The following ANO3 variants were observed in gnomAD, a reference collection of about 807,000 sequenced individuals.
ANO3 encodes the protein anoctamin 3.
Under a neutral mutation model 144.8 loss-of-function variants are expected in ANO3, and 99 were observed. The observed-to-expected ratio is 0.68, with a 90% CI of 0.58 to 0.81. The LOEUF is 0.81. ANO3 is among the 30% of genes least tolerant of loss of function. The pLI is 0.00. For missense variants in ANO3, 905 were observed against 1,202.2 expected (o/e 0.75, Z 3.66); for synonymous variants, 414 against 392.6 (o/e 1.05, Z -0.64).
intron 17 of ANO3, among the ~76,000 whole-genome samples, chr11:26,601,251 C>G (rs1024703599): frequency 1.3e-5 from 2 of 152,070 alleles, no homozygotes; most frequent in Admixed American, 6.6e-5. Context: ...CATTTGGTTC[C>G]AAATGTGATT....
intron 4 of ANO3, among the ~76,000 whole-genome samples, chr11:26,464,088 A>G (rs1049144358): frequency 1.3e-4 from 19 of 151,896 alleles, no homozygotes; most frequent in African/African-American, 4.3e-4. Flanking sequence ...TAATTTTGCA[A>G]ATATCTTTAT....
At chr11:26,193,727 A>G (rs1245609536) in intron 1 of ANO3, among the ~76,000 whole-genome samples, 3 of 152,162 alleles carry the variant, frequency 2.0e-5, no homozygotes, top group Non-Finnish European at 2.9e-5. Flanking sequence ...TATGTCATTT[A>G]TTTTTGTACT....
chr11:26,238,698 A>ATTACACAG (rs1279214448), intron 1 of ANO3, among the ~76,000 whole-genome samples: 6 of 152,084 alleles, frequency 3.9e-5, no homozygotes, highest in Admixed American at 3.9e-4. Flanking sequence ...AGATACAGAA[A>ATTACACAG]TTACACAGTG....
At chr11:26,571,189 G>T (rs1850810464) in intron 14 of ANO3, among the ~76,000 whole-genome samples, 2 of 152,114 alleles carry the variant, frequency 1.3e-5, no homozygotes, top group African/African-American at 4.8e-5. Flanking sequence ...AAGAAAGAAA[G>T]TTTCTCCGAA....
At chr11:26,245,728 C>T (rs530339227) in intron 1 of ANO3, among the ~76,000 whole-genome samples, 29 of 152,236 alleles carry the variant, frequency 1.9e-4, no homozygotes, top group Non-Finnish European at 7.4e-5. Context: ...TGGGGAGTAT[C>T]ATAGAGTGAT....
chr11:26,608,607 G>A (rs536747572), intron 17 of ANO3, among the ~76,000 whole-genome samples: 1 of 152,226 alleles, frequency 6.6e-6, no homozygotes, highest in African/African-American at 2.4e-5. Context: ...CCCAGGCCCA[G>A]GGAGATTAGA....
chr11:26,449,698 C>A (rs1451864246), intron 3 of ANO3, among the ~76,000 whole-genome samples: 1 of 151,898 alleles, frequency 6.6e-6, no homozygotes, highest in African/African-American at 2.4e-5. Flanking sequence ...TGATAGACCT[C>A]TATATAGAGT....
Position 26,405,973 on chromosome 11 carries a change from A to T in ANO3, c.47-35945A>T, listed in dbSNP as rs368949897. ...ATTGTGTTTCCAGTGGTATTTTTACATTTTAAGCCCTAATGGCACAATCAC... is the reference window on the plus strand; with the variant it reads ...ATTGTGTTTCCAGTGGTATTTTTACTTTTTAAGCCCTAATGGCACAATCAC... On this transcript the variant is annotated intron_variant, in intron 1 of 26. Transcript: ENST00000256737. Among the ~76,000 whole-genome samples the T allele has an allele frequency of 5.3e-5, 8 of 151,876 alleles. No individual in the cohort carries two copies. In the South Asian group the frequency reaches 1.7e-3, roughly 31 times the overall value.
chr11:26,505,415 C>G (rs1208373760), intron 4 of ANO3, among the ~76,000 whole-genome samples: 1 of 152,096 alleles, frequency 6.6e-6, no homozygotes, highest in African/African-American at 2.4e-5. Context: ...GTTGGATATA[C>G]AAGCCTGTGA....
chr11:26,625,631 T>C (rs542217009), intron 18 of ANO3, among the ~76,000 whole-genome samples: 1 of 152,172 alleles, frequency 6.6e-6, no homozygotes, highest in East Asian at 1.9e-4. Flanking sequence ...CTTTTCTTAA[T>C]TTATCCCAAA....
chr11:26,365,302 C>T (rs570229783), intron 1 of ANO3, among the ~76,000 whole-genome samples: 51 of 152,300 alleles, frequency 3.3e-4, no homozygotes, highest in Admixed American at 2.9e-3. Context: ...TTGTTGAGTG[C>T]CTGCAGCTTT....
chr11:26,290,802 C>G (rs1429329203), intron 1 of ANO3, among the ~76,000 whole-genome samples: 1 of 152,150 alleles, frequency 6.6e-6, no homozygotes, highest in Non-Finnish European at 1.5e-5. Context: ...TGTTCTTTTA[C>G]ATTTGGTGAG....
chr11:26,297,409 T>C (rs950747490), intron 1 of ANO3, among the ~76,000 whole-genome samples: 1 of 152,212 alleles, frequency 6.6e-6, no homozygotes, highest in Non-Finnish European at 1.5e-5. Context: ...ACAACATTCT[T>C]GCATAAGCCA....
chr11:26,227,564 AC>A (rs1852282008), intron 1 of ANO3, among the ~76,000 whole-genome samples: 1 of 152,206 alleles, frequency 6.6e-6, no homozygotes, highest in Non-Finnish European at 1.5e-5. Context: ...ATTCATCTCT[AC>A]AGTTGATATT....
chr11:26,411,225 T>A (rs1857422765), intron 1 of ANO3, among the ~76,000 whole-genome samples: 1 of 151,956 alleles, frequency 6.6e-6, no homozygotes, highest in African/African-American at 2.4e-5. Context: ...TAAAGCTGAA[T>A]TGGTTGTGGC....
At chr11:26,254,628 CA>C (rs1398922039) in intron 1 of ANO3, among the ~76,000 whole-genome samples, 1 of 152,140 alleles carries the variant, frequency 6.6e-6, no homozygotes, top group Non-Finnish European at 1.5e-5. Context: ...TTTTAAACAA[CA>C]CTCTGTTTAC....
chr11:26,370,954 T>G (rs1333701520), intron 1 of ANO3, among the ~76,000 whole-genome samples: 1 of 152,132 alleles, frequency 6.6e-6, no homozygotes, highest in Non-Finnish European at 1.5e-5. Context: ...AAAACCCATT[T>G]TTGGGGAGAA....
At chr11:26,631,700 C>T (rs1179096211) in intron 18 of ANO3, among the ~76,000 whole-genome samples, 1 of 152,010 alleles carries the variant, frequency 6.6e-6, no homozygotes, top group Non-Finnish European at 1.5e-5. Context: ...ACAGTAAAAT[C>T]AAATGTCATC....
intron 1 of ANO3, among the ~76,000 whole-genome samples, chr11:26,224,908 C>T (rs1046409027): frequency 1.3e-5 from 2 of 152,132 alleles, no homozygotes; most frequent in African/African-American, 2.4e-5. Context: ...GATCTGTAAT[C>T]GTGCACTAAC....
Sources: gnomAD v4.1 joint callset for allele counts (sites outside exome capture counted in the v4.1 genomes callset) on GRCh38, gnomAD v4.1.1 for gene constraint, MANE v1.5 for transcripts, NCBI Gene and HGNC (gene_info 2026-07-23, HGNC 2026-07-21) for gene names.